The following CEACAM16 variants were observed in gnomAD, a reference collection of about 807,000 sequenced individuals.
The protein encoded by CEACAM16 is CEA cell adhesion molecule 16, tectorial membrane component.
CEACAM16 carries 30 observed loss-of-function variants against 39.4 expected under a neutral mutation model. The observed-to-expected ratio is 0.76, with a 90% CI of 0.57 to 1.03. CEACAM16 has a LOEUF of 1.03. Among genes scored for constraint, CEACAM16 ranks in the 50% least tolerant of loss-of-function variants. The probability of loss-of-function intolerance (pLI) is 0.00; values close to 1 mark genes in which losing one functional copy is unlikely to be tolerated. For synonymous variants in CEACAM16, 262 were observed against 264.9 expected, an observed-to-expected ratio of 0.99 and a Z score of 0.11; for missense variants, 521 against 585.3, an observed-to-expected ratio of 0.89 and a Z score of 1.13.
At position 44,707,988 on chromosome 19, in the gene CEACAM16, C is replaced by G. The variant is rs561726200; in HGVS notation, c.1068C>G (p.Ser356=). ...ACGCCTGGTACCGCGGGCCTGCCTC[C>G]GAGCCCAACCGGCTGCTCAGCCAGC... ...LVYAWYRGPA[S]EPNRLLSQLP... The change falls in exon 6 of 7, where the codon TCC becomes TCG. Residue 356 remains serine, a synonymous_variant. Coordinates refer to ENST00000587331, the MANE Select transcript of CEACAM16 (RefSeq NM_001039213.4). 10 of 1,606,760 alleles carry G rather than the reference C, an allele frequency of 6.2e-6. No individual in the cohort carries two copies. The highest frequency in any genetic ancestry group is 1.3e-5 in the African/African-American group (1 of 74,812).
At position 44,710,545 on chromosome 19, in the gene CEACAM16, C is replaced by T. The variant is rs766219029; in HGVS notation, c.*39C>T. 2.7e-5 allele frequency: 44 copies of T among 1,613,364 alleles called. 2 individuals are homozygous for T. The highest frequency in any genetic ancestry group is 4.5e-5 in the East Asian group (2 of 44,888). On this transcript the variant is annotated 3_prime_UTR_variant, in exon 7 of 7. Coordinates refer to ENST00000587331, the MANE Select transcript of CEACAM16 (RefSeq NM_001039213.4). ...GAGACGTCCAGAGAGAAGAGCTCTT[C>T]GCACCATCCTCTGGTCCTCGCCCTC...
In CEACAM16 at chr19:44,704,094, C is replaced by A. The variant is rs2122194539; in HGVS notation, c.459C>A (p.Cys153Ter). 3 of 1,605,600 alleles carry A rather than the reference C, an allele frequency of 1.9e-6. No homozygotes were observed. Among genetic ancestry groups the A allele is most frequent in the Non-Finnish European group, 2.5e-6 (3 of 1,177,306 alleles). Residue 153 changes from cysteine to a stop codon, truncating the protein, a stop_gained, in exon 4 of 7, where the codon TGC becomes TGA. Transcript: ENST00000587331. LOFTEE classifies it high-confidence loss of function. ...GTCGAGACACCCTGCGCCTTATGTG[C>A]AGCAGCCCCAGCCCCACCGCCGAGG... ...VERRDTLRLM[C>*]SSPSPTAEVR...
At chr19:44,703,903 G>C in intron 3 of CEACAM16, 115 bp from the exon 4 acceptor site, 1 of 1,269,866 alleles carries the variant, frequency 7.9e-7, no homozygotes, top group Non-Finnish European at 1.1e-6. Context: ...TTGTCCCTCC[G>C]GCTGAGGGTG....
In CEACAM16 at chr19:44,704,144, C is replaced by A. The variant is rs766853832; in HGVS notation, c.509C>A (p.Ala170Asp). 2 of 1,592,818 alleles carry A rather than the reference C, an allele frequency of 1.3e-6. No individual in the cohort carries two copies. The highest frequency in any genetic ancestry group is 1.3e-5 in the African/African-American group (1 of 74,418). ...AEVRWFFNGGALPVALRLGLS... is the reference protein window; with the variant it reads ...AEVRWFFNGGDLPVALRLGLS... ...GTCCGCTGGTTCTTCAACGGTGGGG[C>A]CCTGCCCGTCGCTCTCCGCCTGGGC... The change falls in exon 4 of 7, where the codon GCC (alanine) becomes GAC (aspartate). Residue 170 changes from alanine (A) to aspartate (D), a missense_variant. Transcript: ENST00000587331.
At position 44,701,447 on chromosome 19, in the gene CEACAM16, G is replaced by A; in HGVS notation, c.-10G>A. On this transcript the variant is annotated 5_prime_UTR_variant, in exon 2 of 7. Coordinates refer to ENST00000587331, the MANE Select transcript of CEACAM16 (RefSeq NM_001039213.4). The surrounding 1 kb of genome is among the most constrained non-coding windows in gnomAD (Gnocchi z 4.0). Reference sequence around the variant, plus strand: ...CGCCACCATCTCCAAGACTCGGTTTGGGGTGAAAGATGGCGCTGACTGGGT... The same window carrying A: ...CGCCACCATCTCCAAGACTCGGTTTAGGGTGAAAGATGGCGCTGACTGGGT... 1 of 1,562,282 alleles carries A rather than the reference G, an allele frequency of 6.4e-7. No homozygotes were observed. Among genetic ancestry groups the A allele is most frequent in the Non-Finnish European group, 8.7e-7 (1 of 1,152,676 alleles).
chr19:44,701,603 G>A lies in CEACAM16; in HGVS notation c.37+110G>A. ...GTGTGAGCAGAAGTCCAGCGTGCTA[G>A]GGAGGGAGGGCAGCCCTGCTTCACA... On this transcript the variant is annotated intron_variant, in intron 2 of 6. Coordinates refer to ENST00000587331, the MANE Select transcript of CEACAM16 (RefSeq NM_001039213.4). The surrounding 1 kb of genome is among the most constrained non-coding windows in gnomAD (Gnocchi z 4.0). 9.2e-7 allele frequency: 1 copy of A among 1,085,580 alleles called. No homozygotes were observed. Among genetic ancestry groups the A allele is most frequent in the Non-Finnish European group, 1.4e-6 (1 of 735,732 alleles). The allele number at this position is 1,085,580 out of a possible 1,614,324, so 67.2% of individuals were successfully genotyped here.
In CEACAM16 at chr19:44,710,702, A is replaced by C; in HGVS notation, c.*196A>C. On this transcript the variant is annotated 3_prime_UTR_variant, in exon 7 of 7. Coordinates refer to ENST00000587331, the MANE Select transcript of CEACAM16 (RefSeq NM_001039213.4). ...TGTTGGGGAGCCACCGAGGCCATAA[A>C]CGTCCTGGTTAATGCACACGTGTGT... 1.6e-6 allele frequency: 1 copy of C among 636,040 alleles called. No homozygotes were observed. 39.4% of individuals were successfully genotyped at this position (636,040 alleles called of 1,614,324 possible).
intron 6 of CEACAM16, among the ~76,000 whole-genome samples, 162 bp downstream of exon 6, chr19:44,708,349 G>A (rs1321229972): frequency 1.3e-5 from 2 of 152,158 alleles, no homozygotes; most frequent in Non-Finnish European, 2.9e-5. Context: ...CTAACTTGGG[G>A]GTCCCCAAAT....
Position 44,703,425 on chromosome 19 carries a change from G to T in CEACAM16, c.114G>T (p.Thr38=). The T allele has an allele frequency of 6.2e-7, 1 of 1,613,678 alleles. No homozygotes were observed. The stretch of plus-strand genomic sequence containing the variant: ...AGCCGAGCGAAGGGGACAACGTCAC[G>T]CTGGTCGTCCATGGGCTTTCGGGGG... ...PAQPSEGDNV[T]LVVHGLSGEL... is the part of the protein sequence containing the mutation. The change falls in exon 3 of 7, where the codon ACG becomes ACT. Residue 38 remains threonine, a synonymous_variant. Transcript: ENST00000587331.
Position 44,710,568 on chromosome 19 carries a change from C to G in CEACAM16, c.*62C>G, listed in dbSNP as rs946388747. On this transcript the variant is annotated 3_prime_UTR_variant, in exon 7 of 7. Coordinates refer to ENST00000587331, the MANE Select transcript of CEACAM16 (RefSeq NM_001039213.4). ...TTCGCACCATCCTCTGGTCCTCGCCCTCTGAGTGGGAACCACTCCCCCACA... is the reference window on the plus strand; with the variant it reads ...TTCGCACCATCCTCTGGTCCTCGCCGTCTGAGTGGGAACCACTCCCCCACA... 6.2e-7 allele frequency: 1 copy of G among 1,607,726 alleles called. No homozygotes were observed. Among genetic ancestry groups the G allele is most frequent in the Non-Finnish European group, 8.5e-7 (1 of 1,174,522 alleles).
At chr19:44,707,817 C>T (rs1300188294) in intron 5 of CEACAM16, 44 bp from the exon 6 acceptor site, 1 of 1,450,186 alleles carries the variant, frequency 6.9e-7, no homozygotes, top group East Asian at 2.5e-5. Context: ...GACACCATGC[C>T]AGATGCAGAC....
chr19:44,706,086 C>T (rs1344196372), intron 5 of CEACAM16, among the ~76,000 whole-genome samples: 2 of 152,122 alleles, frequency 1.3e-5, no homozygotes, highest in African/African-American at 2.4e-5. Flanking sequence ...AATGGCAAAC[C>T]ATTGTGGGTT....
At chr19:44,702,522 T>C (rs1479106280) in intron 2 of CEACAM16, among the ~76,000 whole-genome samples, 1 of 152,278 alleles carries the variant, frequency 6.6e-6, no homozygotes, top group Non-Finnish European at 1.5e-5. Context: ...ACGTGAGCAC[T>C]GTCACAGCCG....
In CEACAM16 at chr19:44,707,842, C is replaced by T. The variant is rs920934217; in HGVS notation, c.941-19C>T. 2.7e-6 allele frequency: 4 copies of T among 1,505,054 alleles called. No individual in the cohort carries two copies. Among genetic ancestry groups the T allele is most frequent in the Non-Finnish European group, 3.6e-6 (4 of 1,120,562 alleles). The allele number at this position is 1,505,054 out of a possible 1,614,324, so 93.2% of individuals were successfully genotyped here. A position where few individuals can be genotyped will look rare whatever the true frequency, so the allele number is the denominator to read the frequency against. On this transcript the variant is annotated intron_variant, in intron 5 of 6. Transcript: ENST00000587331. ...CAGATGCAGACCAAACTGACCCAGC[C>T]CGCTCGCTCTCTCCCCAGCTGCAGC... is the stretch of plus-strand genomic sequence containing the variant.
intron 5 of CEACAM16, among the ~76,000 whole-genome samples, chr19:44,706,365 T>C (rs1041010288): frequency 6.6e-6 from 1 of 151,088 alleles, no homozygotes; most frequent in Non-Finnish European, 1.5e-5. Context: ...TGGGGAGGCA[T>C]TGTCATCTTG....
At chr19:44,709,163 G>A (rs1358480392) in intron 6 of CEACAM16, among the ~76,000 whole-genome samples, 1 of 151,830 alleles carries the variant, frequency 6.6e-6, no homozygotes, top group East Asian at 1.9e-4. Context: ...CAGACTGGGA[G>A]CTCCCAGAGG....
intron 6 of CEACAM16, among the ~76,000 whole-genome samples, chr19:44,709,560 A>G (rs1291550659): frequency 7.4e-6 from 1 of 135,092 alleles, no homozygotes; most frequent in Non-Finnish European, 1.6e-5. Context: ...GTCAGGGTCT[A>G]TGTCTCCTCC....
chr19:44,704,962 C>G (rs1012872956), intron 4 of CEACAM16, among the ~76,000 whole-genome samples: 5 of 152,106 alleles, frequency 3.3e-5, no homozygotes, highest in Non-Finnish European at 1.5e-5. Context: ...CCAAAGCATG[C>G]AGTCGTTCCC....
chr19:44,705,471 C>T (rs971070046), intron 4 of CEACAM16, 119 bp from the exon 5 acceptor site: 2 of 1,026,332 alleles, frequency 1.9e-6, no homozygotes, highest in Non-Finnish European at 2.8e-6. Context: ...AGCTTTTTTT[C>T]CCCTCCACTA....
Sources: gnomAD v4.1 joint callset for allele counts (sites outside exome capture counted in the v4.1 genomes callset) on GRCh38, gnomAD v4.1.1 for gene constraint, Gnocchi (gnomAD v3.1) non-coding constraint, MANE v1.5 for transcripts, NCBI Gene and HGNC (gene_info 2026-07-23, HGNC 2026-07-21) for gene names.